AMBRA1: variants seen among roughly 807,000 people sequenced by gnomAD.
AMBRA1 encodes the protein activating molecule in BECN1-regulated autophagy protein 1.
AMBRA1 carries 47 observed loss-of-function variants against 125.4 expected under a neutral mutation model. The observed-to-expected ratio is 0.37, with a 90% confidence interval of 0.30 to 0.48. AMBRA1 has a LOEUF of 0.48. Among genes scored for constraint, AMBRA1 ranks in the 20% least tolerant of loss-of-function variants. The pLI is 0.99. For synonymous variants in AMBRA1, 626 were observed against 655.5 expected (o/e 0.95, Z 0.69); for missense variants, 1,331 against 1,693.4 (o/e 0.79, Z 3.76).
intron 1 of AMBRA1, among the ~76,000 whole-genome samples, chr11:46,585,338 A>G (rs1052133387): frequency 2.6e-5 from 4 of 151,326 alleles, no homozygotes; most frequent in African/African-American, 9.7e-5. Context: ...AACACCCAAG[A>G]ATGATCAATA....
intron 9 of AMBRA1, among the ~76,000 whole-genome samples, chr11:46,498,954 CTGG>C (rs1232862950): frequency 6.6e-6 from 1 of 152,202 alleles, no homozygotes; most frequent in African/African-American, 2.4e-5. Context: ...CATTTCCTTA[CTGG>C]AGTGCTGCTG....
chr11:46,567,141 G>A (rs536873606), intron 1 of AMBRA1, among the ~76,000 whole-genome samples: 1 of 152,214 alleles, frequency 6.6e-6, no homozygotes, highest in East Asian at 1.9e-4. Flanking sequence ...GTCCCATCTC[G>A]ACTTACTGCA....
At position 46,433,812 on chromosome 11, in the gene AMBRA1, A is replaced by G. The variant is rs368948402; in HGVS notation, c.2822-184T>C. On this transcript the variant is annotated intron_variant, in intron 13 of 17. Transcript: ENST00000683756. ...ATATACATACTGAGTGTAGTGTTTG[A>G]CATATAGAAAGCACATAATAAGGCT... Among the ~76,000 whole-genome samples, 12 of 152,298 alleles carry G rather than the reference A, an allele frequency of 7.9e-5. No individual in the cohort carries two copies. In the South Asian group the frequency reaches 2.5e-3, roughly 32 times the overall value.
chr11:46,515,175 C>CA (rs1298468559), intron 7 of AMBRA1, among the ~76,000 whole-genome samples: 1 of 152,054 alleles, frequency 6.6e-6, no homozygotes, highest in Non-Finnish European at 1.5e-5. Flanking sequence ...CCACAGTGAC[C>CA]AAAAAACATC....
At chr11:46,569,440 A>AAAATATATATATATAT (rs1477022124) in intron 1 of AMBRA1, among the ~76,000 whole-genome samples, 34 of 131,368 alleles carry the variant, frequency 2.6e-4, no homozygotes, top group African/African-American at 9.1e-4. Flanking sequence ...AAAAAAAAAA[A>AAAATATATATATATAT]ATATATATAT....
chr11:46,442,330 A>G (rs1948057763), intron 12 of AMBRA1, among the ~76,000 whole-genome samples: 1 of 151,936 alleles, frequency 6.6e-6, no homozygotes, highest in South Asian at 2.1e-4. Context: ...TTTAGTAGAG[A>G]CGAGGTTTCA....
intron 11 of AMBRA1, among the ~76,000 whole-genome samples, chr11:46,469,117 TGCGTGA>T (rs1480136305): frequency 6.6e-6 from 1 of 152,154 alleles, no homozygotes; most frequent in African/African-American, 2.4e-5. Flanking sequence ...AACTCCAGCC[TGCGTGA>T]CAACAGGGAA....
Position 46,593,943 on chromosome 11 carries a change from G to A in AMBRA1, c.-236C>T, listed in dbSNP as rs1329151171. The stretch of plus-strand genomic sequence containing the variant: ...TCCGTTCTACCGACCGGCAGGAGAA[G>A]GCGGCTTGAGCGCGGGGCCTCGCGG... On this transcript the variant is annotated 5_prime_UTR_variant, in exon 1 of 18. Coordinates refer to ENST00000683756, the MANE Select transcript of AMBRA1 (RefSeq NM_001387011.1). 1.8e-5 allele frequency: 7 copies of A among 398,532 alleles called. No homozygotes were observed. Among genetic ancestry groups the A allele is most frequent in the Non-Finnish European group, 3.1e-5 (7 of 226,102 alleles). The allele number at this position is 398,532 out of a possible 1,614,324, so 24.7% of individuals were successfully genotyped here. A position where few individuals can be genotyped will look rare whatever the true frequency, so the allele number is the denominator to read the frequency against.
At chr11:46,418,182 C>CTT in intron 14 of AMBRA1, 130 bp from the exon 15 acceptor site, 1 of 402,522 alleles carries the variant, frequency 2.5e-6, no homozygotes, top group Non-Finnish European at 3.6e-6. Flanking sequence ...CAGGATGACT[C>CTT]TTTTTTTTTC....
At chr11:46,499,005 T>A (rs1210201251) in intron 9 of AMBRA1, among the ~76,000 whole-genome samples, 1 of 152,190 alleles carries the variant, frequency 6.6e-6, no homozygotes, top group African/African-American at 2.4e-5. Flanking sequence ...TTTCAATGAC[T>A]GTGCACATAT....
Position 46,543,324 on chromosome 11 carries a change from T to C in AMBRA1, c.693A>G (p.Ser231=), listed in dbSNP as rs1482110983. 6.2e-7 allele frequency: 1 copy of C among 1,614,054 alleles called. No individual in the cohort carries two copies. Among genetic ancestry groups the C allele is most frequent in the Non-Finnish European group, 8.5e-7 (1 of 1,179,992 alleles). ...GGAGAGGCGTCCGGCGAACTGGCTG[T>C]GATTGCAGGAGGGCACGCTGACGGT... The part of the protein sequence containing the change: ...SHYRQRALLQ[S]QPVRRTPLLH... Residue 231 remains serine (S), a synonymous_variant, in exon 7 of 18, where the codon TCA becomes TCG. Coordinates refer to ENST00000683756, the MANE Select transcript of AMBRA1 (RefSeq NM_001387011.1).
chr11:46,494,087 C>G, intron 10 of AMBRA1, 37 bp downstream of exon 10: 1 of 1,563,354 alleles, frequency 6.4e-7, no homozygotes, highest in Non-Finnish European at 8.7e-7. Flanking sequence ...TAGGCTCTAA[C>G]GAAGGCTCCC....
intron 14 of AMBRA1, among the ~76,000 whole-genome samples, chr11:46,420,788 C>T (rs1417025123): frequency 6.6e-6 from 1 of 152,112 alleles, no homozygotes; most frequent in Non-Finnish European, 1.5e-5. Flanking sequence ...TGTGGTAGCT[C>T]TACATGGGCC....
intron 1 of AMBRA1, among the ~76,000 whole-genome samples, chr11:46,581,639 A>C (rs1007694420): frequency 2.6e-5 from 4 of 151,772 alleles, no homozygotes; most frequent in African/African-American, 9.7e-5. Context: ...AAATAAATAC[A>C]CAAATAAATA....
chr11:46,517,931 TAG>T (rs1003674106), intron 7 of AMBRA1, among the ~76,000 whole-genome samples: 7 of 149,854 alleles, frequency 4.7e-5, no homozygotes, highest in Non-Finnish European at 8.9e-5. Flanking sequence ...CGTATATATA[TAG>T]AGAGAGAGAG....
chr11:46,434,090 G>A (rs2136710158), intron 13 of AMBRA1, among the ~76,000 whole-genome samples: 1 of 140,006 alleles, frequency 7.1e-6, no homozygotes, highest in Non-Finnish European at 1.5e-5. Flanking sequence ...ATTCCAGCCT[G>A]GCCAACAAGA....
intron 11 of AMBRA1, among the ~76,000 whole-genome samples, chr11:46,473,754 C>T (rs1170652902): frequency 3.3e-5 from 5 of 152,174 alleles, no homozygotes; most frequent in Non-Finnish European, 5.9e-5. Context: ...GGGTTCACAC[C>T]ATTCTCCTGC....
chr11:46,434,807 C>T (rs1350996948), intron 13 of AMBRA1, 42 bp downstream of exon 13: 6 of 1,534,930 alleles, frequency 3.9e-6, no homozygotes, highest in Non-Finnish European at 4.4e-6. Context: ...TGCCAAGGCA[C>T]CAGCGTCCCT....
intron 9 of AMBRA1, among the ~76,000 whole-genome samples, chr11:46,500,519 G>A (rs1272572607): frequency 6.6e-6 from 1 of 152,136 alleles, no homozygotes; most frequent in Non-Finnish European, 1.5e-5. Context: ...AGAGTTAGCT[G>A]CCTAAAATAT....
Sources: gnomAD v4.1 joint callset for allele counts (sites outside exome capture counted in the v4.1 genomes callset) on GRCh38, gnomAD v4.1.1 for gene constraint, MANE v1.5 for transcripts, NCBI Gene and HGNC (gene_info 2026-07-23, HGNC 2026-07-21) for gene names.